The following SHANK2 variants were observed in gnomAD, a reference collection of about 807,000 sequenced individuals.
SHANK2 encodes the protein SH3 and multiple ankyrin repeat domains 2.
SHANK2 carries 43 observed loss-of-function variants against 133.7 expected under a neutral mutation model. The observed-to-expected ratio is 0.32, with a 90% CI of 0.25 to 0.41. The LOEUF is 0.41. Ranked by LOEUF, SHANK2 falls within the 10% of genes least tolerant of loss-of-function variation. SHANK2 has a pLI of 1.00. For synonymous variants in SHANK2, 1,017 were observed against 952.8 expected, an observed-to-expected ratio of 1.07 and a Z score of -1.24; for missense variants, 1,994 against 2,235.8, an observed-to-expected ratio of 0.89 and a Z score of 2.18.
At chr11:70,515,637 G>GAAAA (rs58440823) in intron 17 of SHANK2, among the ~76,000 whole-genome samples, 14 of 79,944 alleles carry the variant, frequency 1.8e-4, no homozygotes, top group African/African-American at 4.9e-4. Context: ...CTCGTTCCTT[G>GAAAA]AAAAAAAAAA....
intron 10 of SHANK2, among the ~76,000 whole-genome samples, chr11:70,921,884 A>G (rs1238603531): frequency 6.6e-6 from 1 of 152,262 alleles, no homozygotes; most frequent in Non-Finnish European, 1.5e-5. Context: ...GACATTCTAT[A>G]AACAATTACT....
chr11:71,112,548 G>A (rs1269138294), intron 5 of SHANK2, among the ~76,000 whole-genome samples: 5 of 152,168 alleles, frequency 3.3e-5, no homozygotes, highest in Non-Finnish European at 5.9e-5. Context: ...AAAGGGAAGC[G>A]CTTCAGGCAG....
At chr11:70,531,170 A>C (rs551495719) in intron 17 of SHANK2, among the ~76,000 whole-genome samples, 3,184 of 150,922 alleles carry the variant, frequency 0.021, 125 homozygotes, top group African/African-American at 0.075. Context: ...AAAAAAAAAA[A>C]AAAAAAAAAA....
intron 17 of SHANK2, among the ~76,000 whole-genome samples, chr11:70,544,618 C>G (rs1380825477): frequency 6.6e-6 from 1 of 152,234 alleles, no homozygotes; most frequent in Non-Finnish European, 1.5e-5. Context: ...CATCCCAACA[C>G]CCCCTCCCTG....
chr11:70,939,204 G>A (rs528629077), intron 10 of SHANK2, among the ~76,000 whole-genome samples: 12 of 152,306 alleles, frequency 7.9e-5, no homozygotes, highest in South Asian at 2.1e-4. Flanking sequence ...GTGCACTTAC[G>A]TTTAAAAAGA....
At position 70,804,387 on chromosome 11, in the gene SHANK2, T is replaced by C. The variant is rs1948117612; in HGVS notation, c.1663+2615A>G. 1.3e-5 allele frequency among the ~76,000 whole-genome samples: 2 copies of C among 152,158 alleles called. No homozygotes were observed. The highest frequency in any genetic ancestry group is 2.1e-4 in the South Asian group (1 of 4,830). On this transcript the variant is annotated intron_variant, in intron 13 of 25. Transcript: ENST00000601538. The surrounding 1 kb of genome is among the most constrained non-coding windows in gnomAD (Gnocchi z 4.1). ...GCAGCAGGAAGGGGCTCCGTGCCAA[T>C]TGTGTGCAAATGGCCTGCGCGGCCC...
chr11:70,573,333 G>A (rs1299219706), intron 17 of SHANK2, among the ~76,000 whole-genome samples: 1 of 85,132 alleles, frequency 1.2e-5, no homozygotes, highest in Non-Finnish European at 2.4e-5. Flanking sequence ...GGGGGGGGGC[G>A]GGGGCAGGAG....
intron 2 of SHANK2, among the ~76,000 whole-genome samples, chr11:71,162,482 A>G (rs574144261): frequency 3.3e-5 from 5 of 152,372 alleles, no homozygotes; most frequent in Admixed American, 3.3e-4. Flanking sequence ...TTTGAGGAAC[A>G]TGTTCAAACC....
chr11:70,817,272 A>T (rs1220861617), intron 12 of SHANK2, among the ~76,000 whole-genome samples: 1 of 152,202 alleles, frequency 6.6e-6, no homozygotes, highest in Non-Finnish European at 1.5e-5. Context: ...AGGACCTCTC[A>T]GCTCATCAGT....
intron 25 of SHANK2, among the ~76,000 whole-genome samples, chr11:70,482,263 A>G (rs182417345): frequency 2.6e-5 from 4 of 152,366 alleles, no homozygotes; most frequent in Admixed American, 1.3e-4. Context: ...TGGCAGTGCC[A>G]GTGAACCCCT....
intron 14 of SHANK2, among the ~76,000 whole-genome samples, chr11:70,762,844 A>T (rs775925968): frequency 9.9e-5 from 15 of 152,174 alleles, no homozygotes; most frequent in Non-Finnish European, 2.1e-4. Context: ...CCGGAGGAGG[A>T]GGGAAGCACA....
intron 10 of SHANK2, among the ~76,000 whole-genome samples, chr11:70,939,415 T>G (rs1489298605): frequency 6.6e-6 from 1 of 151,930 alleles, no homozygotes; most frequent in Non-Finnish European, 1.5e-5. Context: ...GTGGCGGAGG[T>G]TGCAGTGAGC....
At chr11:70,896,384 T>C (rs1555075692) in intron 11 of SHANK2, 117 bp downstream of exon 11, 4 of 607,626 alleles carry the variant, frequency 6.6e-6, no homozygotes, top group African/African-American at 1.9e-5. Flanking sequence ...TGTTAAGTTT[T>C]GCTAAAAGCA....
At chr11:70,493,051 C>A (rs1415216548) in intron 21 of SHANK2, among the ~76,000 whole-genome samples, 2 of 151,946 alleles carry the variant, frequency 1.3e-5, no homozygotes, top group Non-Finnish European at 2.9e-5. Flanking sequence ...CGGCCTTGGC[C>A]TCCCAAAGTG....
Position 71,153,310 on chromosome 11 carries a change from C to T in SHANK2, c.-12-5972G>A, listed in dbSNP as rs138602460. Among the ~76,000 whole-genome samples the T allele has an allele frequency of 3.0e-3, 450 of 151,908 alleles. 2 individuals are homozygous for T. The highest frequency in any genetic ancestry group is 3.6e-3 in the Non-Finnish European group (248 of 67,984). On this transcript the variant is annotated intron_variant, in intron 2 of 25. Transcript: ENST00000601538. Reference sequence around the variant, plus strand: ...GGGCGGGTCGGGGGCGGGGGAGAGGCCATAAAACCCCAGGTCCATGAACTT... The same window carrying T: ...GGGCGGGTCGGGGGCGGGGGAGAGGTCATAAAACCCCAGGTCCATGAACTT...
At chr11:70,622,452 C>T (rs934596447) in intron 17 of SHANK2, among the ~76,000 whole-genome samples, 3 of 152,160 alleles carry the variant, frequency 2.0e-5, no homozygotes, top group Non-Finnish European at 4.4e-5. Flanking sequence ...TGTTACAAAG[C>T]AACACAAACT....
chr11:71,097,234 C>T (rs782098584), intron 6 of SHANK2, among the ~76,000 whole-genome samples: 10 of 152,092 alleles, frequency 6.6e-5, no homozygotes, highest in Non-Finnish European at 1.3e-4. Flanking sequence ...GGCTTAGCCA[C>T]CACATTTGCA....
chr11:71,234,582 G>A (rs1565530462), intron 1 of SHANK2, among the ~76,000 whole-genome samples: 1 of 152,034 alleles, frequency 6.6e-6, no homozygotes. Context: ...CTGTCTGTAG[G>A]CAGCCAGACC....
At chr11:70,580,343 C>T (rs1554985140) in intron 17 of SHANK2, among the ~76,000 whole-genome samples, 1 of 152,232 alleles carries the variant, frequency 6.6e-6, no homozygotes, top group East Asian at 1.9e-4. Flanking sequence ...GCCCTGTACC[C>T]CAAATGGCCC....
Sources: gnomAD v4.1 joint callset for allele counts (sites outside exome capture counted in the v4.1 genomes callset) on GRCh38, gnomAD v4.1.1 for gene constraint, Gnocchi (gnomAD v3.1) non-coding constraint, MANE v1.5 for transcripts, NCBI Gene and HGNC (gene_info 2026-07-23, HGNC 2026-07-21) for gene names.